CAST: variants seen among roughly 807,000 people sequenced by gnomAD.
CAST encodes the protein MIR583 host.
CAST carries 76 observed loss-of-function variants against 119.6 expected under a neutral mutation model. The observed-to-expected ratio is 0.64, with a 90% CI of 0.53 to 0.77. CAST has a LOEUF of 0.77. Ranked by LOEUF, CAST falls within the 30% of genes least tolerant of loss-of-function variation. CAST has a pLI of 0.00. For synonymous variants in CAST, 319 were observed against 331.6 expected (o/e 0.96, Z 0.41); for missense variants, 953 against 946.5 (o/e 1.01, Z -0.09).
the CAST span, among the ~76,000 whole-genome samples, chr5:96,016,956 C>A: frequency 6.6e-6 from 1 of 151,560 alleles, no homozygotes; most frequent in South Asian, 2.1e-4. Context: ...CCTGCCTCAG[C>A]CTCCCAACTA....
At chr5:96,443,511 T>G in the CAST span, among the ~76,000 whole-genome samples, 8 of 152,356 alleles carry the variant, frequency 5.3e-5, no homozygotes, top group Non-Finnish European at 1.0e-4. Context: ...TCAATTGTGA[T>G]CACCAATTTG....
chr5:96,395,018 C>A, the CAST span: 1 of 1,612,392 alleles, frequency 6.2e-7, no homozygotes, highest in Non-Finnish European at 8.5e-7. Flanking sequence ...ATTTTGAATT[C>A]TTCCAGACTA....
At chr5:96,116,739 C>A in the CAST span, among the ~76,000 whole-genome samples, 1 of 152,032 alleles carries the variant, frequency 6.6e-6, no homozygotes, top group African/African-American at 2.4e-5. Flanking sequence ...ATTTGCATGC[C>A]ATTGTGCAAA....
intron 1 of CAST, among the ~76,000 whole-genome samples, chr5:96,560,408 A>G (rs1236318339): frequency 6.6e-6 from 1 of 151,592 alleles, no homozygotes; most frequent in African/African-American, 2.4e-5. Context: ...CTACCATCAG[A>G]GTGAACAGGC....
the CAST span, among the ~76,000 whole-genome samples, chr5:96,481,795 A>G: frequency 6.6e-6 from 1 of 152,240 alleles, no homozygotes; most frequent in Non-Finnish European, 1.5e-5. Flanking sequence ...GGTGGTGTTT[A>G]GTAACTAATG....
At chr5:96,431,987 T>C in the CAST span, 1 of 832,224 alleles carries the variant, frequency 1.2e-6, no homozygotes, top group Non-Finnish European at 2.0e-6. Context: ...ACTTAATGTC[T>C]TGACGCCCAC....
chr5:96,605,094 G>A (rs944953369), intron 1 of CAST, among the ~76,000 whole-genome samples: 8 of 152,074 alleles, frequency 5.3e-5, no homozygotes, highest in Non-Finnish European at 1.0e-4. Context: ...CTACCTAGGG[G>A]GTCAAATGTT....
chr5:96,462,171 T>C, the CAST span, among the ~76,000 whole-genome samples: 3 of 152,118 alleles, frequency 2.0e-5, no homozygotes. Flanking sequence ...TTACTTACCC[T>C]AACAGTGCAA....
the CAST span, among the ~76,000 whole-genome samples, chr5:96,355,710 AT>A: frequency 0.012 from 1,752 of 148,858 alleles, 32 homozygotes; most frequent in African/African-American, 0.041. Context: ...GACGTCTTTT[AT>A]TTTTTTTTTG....
the CAST span, among the ~76,000 whole-genome samples, chr5:95,977,112 A>G: frequency 6.6e-6 from 1 of 152,238 alleles, no homozygotes; most frequent in South Asian, 2.1e-4. Flanking sequence ...TAGCTGCCGT[A>G]TTTTGAGGAC....
the CAST span, among the ~76,000 whole-genome samples, chr5:96,503,458 C>T: frequency 6.6e-6 from 1 of 151,928 alleles, no homozygotes; most frequent in Non-Finnish European, 1.5e-5. Flanking sequence ...AATTGAATGC[C>T]CCCATTAAAA....
At chr5:95,990,162 T>C in the CAST span, among the ~76,000 whole-genome samples, 2 of 152,104 alleles carry the variant, frequency 1.3e-5, no homozygotes, top group Non-Finnish European at 2.9e-5. Flanking sequence ...ATCTTGCTGA[T>C]GTGAACCATG....
the CAST span, among the ~76,000 whole-genome samples, chr5:96,420,617 A>AC: frequency 2.0e-5 from 3 of 152,012 alleles, no homozygotes; most frequent in Admixed American, 6.6e-5. Context: ...AAGTCCATGT[A>AC]CCCCAGCCTC....
chr5:96,412,752 GTTT>G, the CAST span, among the ~76,000 whole-genome samples: 6 of 71,802 alleles, frequency 8.4e-5, no homozygotes, highest in South Asian at 1.6e-3. Flanking sequence ...CAGCTGTGAT[GTTT>G]TTTTTTTTTT....
At chr5:96,020,227 G>C in the CAST span, among the ~76,000 whole-genome samples, 1 of 152,028 alleles carries the variant, frequency 6.6e-6, no homozygotes, top group Admixed American at 6.6e-5. Context: ...ATGATTTCTT[G>C]GATTCCATTT....
chr5:96,278,646 C>T, the CAST span: 2 of 152,080 alleles, frequency 1.3e-5, no homozygotes, highest in Non-Finnish European at 2.9e-5. Flanking sequence ...GGAAGATGTC[C>T]CCTGCCTACG....
At chr5:96,003,035 A>G in the CAST span, among the ~76,000 whole-genome samples, 20 of 152,182 alleles carry the variant, frequency 1.3e-4, no homozygotes, top group African/African-American at 4.3e-4. Context: ...CAGGAGTTCA[A>G]GACTAGCCTG....
chr5:96,089,690 T>C, the CAST span, among the ~76,000 whole-genome samples: 1 of 152,236 alleles, frequency 6.6e-6, no homozygotes, highest in African/African-American at 2.4e-5. Flanking sequence ...TTTCTTGACA[T>C]ACTATTACCA....
chr5:96,452,956 C>CA, the CAST span, among the ~76,000 whole-genome samples: 3,879 of 62,600 alleles, frequency 0.062, 383 homozygotes, highest in East Asian at 0.15. Flanking sequence ...GACTCCGTCT[C>CA]AAAAAAAAAA....
Sources: gnomAD v4.1 joint callset for allele counts (sites outside exome capture counted in the v4.1 genomes callset) on GRCh38, gnomAD v4.1.1 for gene constraint, MANE v1.5 for transcripts, NCBI Gene and HGNC (gene_info 2026-07-23, HGNC 2026-07-21) for gene names.